The following FGD4 variants were observed in gnomAD, a reference collection of about 807,000 sequenced individuals.
FGD4 encodes the protein FYVE, RhoGEF and PH domain-containing protein 4.
In FGD4, 42 loss-of-function variants were observed where a neutral mutation model predicts 102.0. That is an observed-to-expected ratio of 0.41 (90% CI 0.32 to 0.53). The LOEUF is 0.53. Ranked by LOEUF, FGD4 falls within the 20% of genes least tolerant of loss-of-function variation. FGD4 has a pLI of 0.21. For synonymous variants in FGD4, 380 were observed against 375.7 expected (o/e 1.01, Z -0.13); for missense variants, 902 against 1,078.2 (o/e 0.84, Z 2.29).
intron 1 of FGD4, among the ~76,000 whole-genome samples, chr12:32,503,316 C>T (rs7133863): frequency 0.18 from 26,847 of 152,156 alleles, 2,973 homozygotes; most frequent in East Asian, 0.29. Context: ...AGCCTTGGCT[C>T]ATGCAGGTTC....
At chr12:32,618,422 G>A (rs1328345753) in intron 10 of FGD4, among the ~76,000 whole-genome samples, 1 of 143,606 alleles carries the variant, frequency 7.0e-6, no homozygotes, top group Non-Finnish European at 1.5e-5. Flanking sequence ...TTAATCAGAC[G>A]ATGATATGGA....
intron 1 of FGD4, among the ~76,000 whole-genome samples, chr12:32,546,741 A>G (rs1010611585): frequency 1.3e-5 from 2 of 152,224 alleles, no homozygotes; most frequent in South Asian, 2.1e-4. Flanking sequence ...AGAGTCTACA[A>G]TGGTGAGGCC....
rs751212029 is a variant in FGD4, at chr12:32,477,016, C to T, written c.166+77057C>T. ...TGAAAAATGAAGATCTGGCCAGGTG[C>T]GTGGCTCATGCCTGTAATTCCAGCA... is the stretch of plus-strand genomic sequence containing the variant. On this transcript the variant is annotated intron_variant, in intron 1 of 16. Transcript: ENST00000534526. Among the ~76,000 whole-genome samples, 14 of 152,226 alleles carry T rather than the reference C, an allele frequency of 9.2e-5. No individual in the cohort carries two copies. In the South Asian group the frequency reaches 2.5e-3, roughly 27 times the overall value.
In FGD4 at chr12:32,399,803, G is replaced by A. The variant is rs559030391; in HGVS notation, c.10G>A (p.Glu4Lys). 2.0e-6 allele frequency: 3 copies of A among 1,530,812 alleles called. No individual in the cohort carries two copies. Among genetic ancestry groups the A allele is most frequent in the South Asian group, 2.4e-5 (2 of 83,906 alleles). The allele number at this position is 1,530,812 out of a possible 1,614,324, so 94.8% of individuals were successfully genotyped here. Residue 4 changes from glutamate to lysine, a missense_variant, in exon 1 of 17, where the codon GAG becomes AAG. Physicochemically the swap from Glu to Lys is moderately conservative, Grantham distance 56. This residue lies in a region of FGD4 where 443 missense variants were observed against 459.2 expected (regional missense o/e 0.96). Coordinates refer to ENST00000534526, the MANE Select transcript of FGD4 (RefSeq NM_001370298.3). MSD[E>K]GGSNFRRVAI... ...GGTCGAGCCCGGCAGGATGAGCGAC[G>A]AGGGCGGCTCCAACTTCAGGCGGGT...
chr12:32,619,073 G>T (rs149533702), intron 10 of FGD4, among the ~76,000 whole-genome samples: 1 of 152,126 alleles, frequency 6.6e-6, no homozygotes, highest in Admixed American at 6.5e-5. Context: ...TTAAGCTCCT[G>T]GTATATCAAA....
chr12:32,525,508 C>T lies in FGD4; in HGVS notation c.167-38629C>T, dbSNP rs113601018. 7.6e-3 allele frequency among the ~76,000 whole-genome samples: 1,153 copies of T among 152,362 alleles called. 18 individuals carry two copies. Among genetic ancestry groups the T allele is most frequent in the African/African-American group, 0.026 (1,079 of 41,582 alleles). Reference sequence around the variant, plus strand: ...TTTGCTTTTGAGAGGTGACAGCGTGCTGGCAGTCCTCAGAGCCCTCGCTTG... The same window carrying T: ...TTTGCTTTTGAGAGGTGACAGCGTGTTGGCAGTCCTCAGAGCCCTCGCTTG... On this transcript the variant is annotated intron_variant, in intron 1 of 16. Transcript: ENST00000534526.
intron 1 of FGD4, among the ~76,000 whole-genome samples, chr12:32,478,666 T>G (rs947492689): frequency 2.0e-5 from 3 of 152,252 alleles, no homozygotes; most frequent in Admixed American, 6.5e-5. Context: ...AGTTTTACTT[T>G]CCCACACCTG....
intron 1 of FGD4, among the ~76,000 whole-genome samples, chr12:32,543,869 C>T (rs913392549): frequency 7.2e-5 from 11 of 152,060 alleles, no homozygotes; most frequent in Non-Finnish European, 1.0e-4. Context: ...CCTCATGATC[C>T]GCCCGCCTCG....
intron 10 of FGD4, among the ~76,000 whole-genome samples, chr12:32,613,628 C>T (rs780256414): frequency 2.0e-5 from 3 of 152,084 alleles, no homozygotes; most frequent in Non-Finnish European, 2.9e-5. Flanking sequence ...TGGTAGCTTG[C>T]ACCTGTACTC....
chr12:32,623,941 C>T lies in FGD4; in HGVS notation c.1923-481C>T, dbSNP rs368100125. Among the ~76,000 whole-genome samples, 158 of 152,206 alleles carry T rather than the reference C, an allele frequency of 1.0e-3. 3 individuals carry two copies. The highest frequency in any genetic ancestry group is 3.4e-3 in the African/African-American group (143 of 41,524). ...GGTATTGCCTAAAGCCTTCTAAGAA[C>T]TGGAAAATAAATTGTTTATCAAAGG... On this transcript the variant is annotated intron_variant, in intron 11 of 16. Coordinates refer to ENST00000534526, the MANE Select transcript of FGD4 (RefSeq NM_001370298.3).
At chr12:32,475,871 A>T (rs137962801) in intron 1 of FGD4, among the ~76,000 whole-genome samples, 155 of 152,234 alleles carry the variant, frequency 1.0e-3, no homozygotes, top group African/African-American at 3.7e-3. Context: ...TGAAAAGAGG[A>T]ATTGTTTTAT....
chr12:32,429,575 C>G (rs1031287818), intron 1 of FGD4, among the ~76,000 whole-genome samples: 12 of 152,372 alleles, frequency 7.9e-5, no homozygotes, highest in Admixed American at 7.8e-4. Context: ...ATCTGCTGCT[C>G]TCTTCAGAGC....
At chr12:32,534,557 A>T (rs529260905) in intron 1 of FGD4, 1 of 1,042,842 alleles carries the variant, frequency 9.6e-7, no homozygotes, top group Non-Finnish European at 1.3e-6. Context: ...GGGTCACTTT[A>T]TAACACTGCA....
chr12:32,514,988 A>G (rs906532457), intron 1 of FGD4, among the ~76,000 whole-genome samples: 2 of 152,162 alleles, frequency 1.3e-5, no homozygotes, highest in Admixed American at 1.3e-4. Context: ...AAGTGTTGAG[A>G]TTAAAGGCTT....
intron 1 of FGD4, among the ~76,000 whole-genome samples, chr12:32,421,514 T>C (rs1941624498): frequency 1.3e-5 from 2 of 152,218 alleles, no homozygotes; most frequent in South Asian, 2.1e-4. Context: ...CCAGAATGCT[T>C]TGTTACATTG....
rs1592452330 is a variant in FGD4, at chr12:32,625,046, A to T, written c.2024A>T (p.Asn675Ile). ...ETFRNAIAKD[N>I]DIHSEVSTAE... ...TTCAGAAATGCAATTGCAAAGGATAATGACATTCACTCAGAGGTTTCTGTG... is the reference window on the plus strand; with the variant it reads ...TTCAGAAATGCAATTGCAAAGGATATTGACATTCACTCAGAGGTTTCTGTG... The change falls in exon 13 of 17, where the codon AAT (asparagine) becomes ATT (isoleucine). Residue 675 changes from asparagine to isoleucine, a missense_variant. Around this residue, in one of 2 missense-constraint regions of FGD4, gnomAD observed 459 missense variants for 619.0 expected, o/e 0.74. Transcript: ENST00000534526. 1 of 1,613,030 alleles carries T rather than the reference A, an allele frequency of 6.2e-7. No individual in the cohort carries two copies. The highest frequency in any genetic ancestry group is 2.2e-5 in the East Asian group (1 of 44,768).
chr12:32,558,568 A>G (rs1398414853), intron 1 of FGD4, among the ~76,000 whole-genome samples: 5 of 152,246 alleles, frequency 3.3e-5, no homozygotes, highest in African/African-American at 9.6e-5. Context: ...ATGCGAAACA[A>G]TAATTCAAGA....
chr12:32,442,822 T>G (rs916320618), intron 1 of FGD4, among the ~76,000 whole-genome samples: 1 of 152,080 alleles, frequency 6.6e-6, no homozygotes, highest in African/African-American at 2.4e-5. Flanking sequence ...CCTTCCAAAG[T>G]GTTGGGATTA....
intron 1 of FGD4, among the ~76,000 whole-genome samples, chr12:32,459,946 TC>T (rs964436094): frequency 2.0e-4 from 31 of 151,914 alleles, no homozygotes; most frequent in Non-Finnish European, 4.0e-4. Flanking sequence ...ACTCAAGTGA[TC>T]CCCCCACCTC....
Sources: gnomAD v4.1 joint callset for allele counts (sites outside exome capture counted in the v4.1 genomes callset) on GRCh38, gnomAD v4.1.1 for gene constraint, gnomAD v4.1.1 regional missense constraint, MANE v1.5 for transcripts, NCBI Gene and HGNC (gene_info 2026-07-23, HGNC 2026-07-21) for gene names.